LCT: variants seen among roughly 807,000 people sequenced by gnomAD.
LCT encodes the protein lactase.
LCT carries 90 observed loss-of-function variants against 173.0 expected under a neutral mutation model. The ratio of observed to expected loss-of-function variants is 0.52; its 90% CI spans 0.44 to 0.62. LCT has a LOEUF of 0.62. Among genes scored for constraint, LCT ranks in the 20% least tolerant of loss-of-function variants. The probability of loss-of-function intolerance (pLI) is 0.00; values close to 1 mark genes in which losing one functional copy is unlikely to be tolerated. For synonymous variants in LCT, 853 were observed against 957.6 expected, an observed-to-expected ratio of 0.89 and a Z score of 2.02; for missense variants, 1,864 against 2,431.4, an observed-to-expected ratio of 0.77 and a Z score of 4.91.
intron 9 of LCT, 142 bp downstream of exon 9, chr2:135,806,986 G>T: frequency 1.1e-6 from 1 of 931,962 alleles, no homozygotes; most frequent in Non-Finnish European, 1.7e-6. Context: ...GTCTGGAAGA[G>T]GACCTCCCAG....
chr2:135,822,068 C>G lies in LCT; in HGVS notation c.938G>C (p.Gly313Ala). ...AINKDQVLTI[G>A]FDINEFLSCS... ...ACTCAGAAACTCATTAATATCAAAC[C>G]CAATGGTGAGCACTTGGTCTTTATT... The change falls in exon 5 of 17, where the codon GGG (glycine) becomes GCG (alanine). Residue 313 changes from glycine (G) to alanine (A), a missense_variant. Gly to Ala is a moderately conservative substitution (Grantham distance 60). Around this residue, in one of 4 missense-constraint regions of LCT, gnomAD observed 412 missense variants for 462.0 expected, o/e 0.89. Coordinates refer to ENST00000264162, the MANE Select transcript of LCT (RefSeq NM_002299.4). 1 of 1,608,420 alleles carries G rather than the reference C, an allele frequency of 6.2e-7. No individual in the cohort carries two copies. The highest frequency in any genetic ancestry group is 1.3e-5 in the African/African-American group (1 of 74,866).
chr2:135,831,400 C>G (rs2077937179), intron 2 of LCT, among the ~76,000 whole-genome samples: 1 of 152,024 alleles, frequency 6.6e-6, no homozygotes. Context: ...GAGAGAGAGG[C>G]CCACACGTTC....
chr2:135,789,589 C>G lies in LCT; in HGVS notation c.5545G>C (p.Ala1849Pro). ...ATCTCACCTGGCTGGTGGAGACAAGCGTGAGGCCCTGTAGCGGGGTCAGGG... is the reference window on the plus strand; with the variant it reads ...ATCTCACCTGGCTGGTGGAGACAAGGGTGAGGCCCTGTAGCGGGGTCAGGG... ...GFPDPATGPH[A>P]CLHQPDAGPT... is the part of the protein sequence containing the mutation. Residue 1849 changes from alanine to proline, a missense_variant, in exon 16 of 17, where the codon GCT (alanine) becomes CCT (proline). This residue lies in a region of LCT where 514 missense variants were observed against 750.1 expected (regional missense o/e 0.69). Transcript: ENST00000264162. 6.8e-6 allele frequency: 11 copies of G among 1,613,668 alleles called. No homozygotes were observed. Among genetic ancestry groups the G allele is most frequent in the Non-Finnish European group, 9.3e-6 (11 of 1,179,814 alleles).
In LCT at chr2:135,835,976, G is replaced by GTA. The variant is rs745860913; in HGVS notation, c.640+552_640+553dup. ...AGGGGTATTTCAAAAATACATGTGT[G>GTA]TATATATATATATATATATATATAT... On this transcript the variant is annotated intron_variant, in intron 1 of 16. Transcript: ENST00000264162. Among the ~76,000 whole-genome samples the GTA allele has an allele frequency of 6.0e-3, 478 of 80,088 alleles. 6 individuals carry two copies. Among genetic ancestry groups the GTA allele is most frequent in the African/African-American group, 0.012 (178 of 14,916 alleles). 52.5% of individuals were successfully genotyped at this position (80,088 alleles called of 152,430 possible). A position where few individuals can be genotyped will look rare whatever the true frequency, so the allele number is the denominator to read the frequency against.
intron 3 of LCT, among the ~76,000 whole-genome samples, chr2:135,825,891 C>A (rs2077885439): frequency 6.6e-6 from 1 of 152,288 alleles, no homozygotes; most frequent in Non-Finnish European, 1.5e-5. Flanking sequence ...AGGGAGGGGA[C>A]ACTGGGAAGG....
chr2:135,836,477 A>T (rs1183084663), intron 1 of LCT, 53 bp downstream of exon 1: 1 of 1,517,754 alleles, frequency 6.6e-7, no homozygotes, highest in Non-Finnish European at 9.2e-7. Flanking sequence ...AGGATGGGGA[A>T]GGTGTGTGAT....
chr2:135,799,310 C>T (rs1355161096), intron 12 of LCT, among the ~76,000 whole-genome samples: 1 of 152,012 alleles, frequency 6.6e-6, no homozygotes, highest in African/African-American at 2.4e-5. Context: ...CAGAGAGAAA[C>T]CCTTGCCTTT....
chr2:135,800,895 C>G (rs2077621149), intron 11 of LCT, 86 bp from the exon 12 acceptor site: 1 of 1,076,886 alleles, frequency 9.3e-7, no homozygotes, highest in Admixed American at 1.9e-5. Context: ...GATGTCCCCT[C>G]TGTGTTTGGG....
intron 1 of LCT, among the ~76,000 whole-genome samples, chr2:135,835,813 C>T (rs1310786291): frequency 6.7e-6 from 1 of 149,842 alleles, no homozygotes; most frequent in African/African-American, 2.5e-5. Flanking sequence ...TAAGCTCCAA[C>T]TAAGACATGT....
chr2:135,826,467 G>A (rs1051200367), intron 3 of LCT, among the ~76,000 whole-genome samples: 4 of 151,894 alleles, frequency 2.6e-5, no homozygotes, highest in Admixed American at 2.0e-4. Flanking sequence ...TTGGGAGGCT[G>A]AGGCAGGAGA....
At chr2:135,818,181 G>T in intron 5 of LCT, 120 bp from the exon 6 acceptor site, 1 of 1,216,104 alleles carries the variant, frequency 8.2e-7, no homozygotes, top group Non-Finnish European at 1.2e-6. Flanking sequence ...TGAGTCAAAA[G>T]TCATATCTGC....
intron 11 of LCT, among the ~76,000 whole-genome samples, 153 bp downstream of exon 11, chr2:135,803,777 C>A (rs760629647): frequency 2.0e-5 from 3 of 152,226 alleles, no homozygotes; most frequent in Non-Finnish European, 4.4e-5. Context: ...CAATGCAATG[C>A]CAGGAGGGAA....
chr2:135,794,319 C>A, intron 14 of LCT: 1 of 246,650 alleles, frequency 4.1e-6, no homozygotes, highest in South Asian at 8.1e-5. Context: ...CTTGAAAATC[C>A]TTTTTAACAA....
chr2:135,804,688 T>G lies in LCT; in HGVS notation c.4464+79A>C, dbSNP rs903165567. On this transcript the variant is annotated intron_variant, in intron 10 of 16. Coordinates refer to ENST00000264162, the MANE Select transcript of LCT (RefSeq NM_002299.4). ...CTAAATTTGAAACCAGCATTTTGTT[T>G]ACATGATAAATGTGCTCCCCCAGCC... 3.8e-6 allele frequency: 5 copies of G among 1,322,928 alleles called. No homozygotes were observed. In the South Asian group the frequency reaches 6.0e-5, roughly 16 times the overall value. 81.9% of individuals were successfully genotyped at this position (1,322,928 alleles called of 1,614,324 possible).
chr2:135,804,117 G>A lies in LCT; in HGVS notation c.4476C>T (p.Tyr1492=), dbSNP rs778995127. ...AASIQPQVTI[Y]HWDLPQTLQD... The stretch of plus-strand genomic sequence containing the variant: ...GGAGCGTCTGTGGTAGGTCCCAGTG[G>A]TAAATGGTCACCTGGGAAGAAGCCA... Residue 1492 remains tyrosine (Y), a synonymous_variant, in exon 11 of 17, where the codon TAC becomes TAT. Transcript: ENST00000264162. 4 of 1,613,620 alleles carry A rather than the reference G, an allele frequency of 2.5e-6. No homozygotes were observed. The African/African-American group carries it at 5.3e-5, about 22-fold the overall frequency.
At chr2:135,795,452 G>T (rs1963885) in intron 13 of LCT, among the ~76,000 whole-genome samples, 1 of 151,638 alleles carries the variant, frequency 6.6e-6, no homozygotes, top group East Asian at 1.9e-4. Flanking sequence ...CAAGTGATCC[G>T]CCCACCTCAG....
chr2:135,800,888 G>T, intron 11 of LCT, 79 bp from the exon 12 acceptor site: 2 of 1,132,138 alleles, frequency 1.8e-6, no homozygotes, highest in Non-Finnish European at 2.6e-6. Flanking sequence ...GCCTGCAGAT[G>T]TCCCCTCTGT....
rs558863270 is a variant in LCT, at chr2:135,837,002, T to C, written c.168A>G (p.Ala56=). 5 of 1,614,106 alleles carry C rather than the reference T, an allele frequency of 3.1e-6. No individual in the cohort carries two copies. In the Admixed American group the frequency reaches 5.0e-5, roughly 16 times the overall value. Residue 56 remains alanine (A), a synonymous_variant, in exon 1 of 17, where the codon GCA becomes GCG. Transcript: ENST00000264162. The part of the protein sequence containing the change: ...LLGDQSSNFV[A]GDKDMYVCHQ... ...GACAAACATACATGTCTTTGTCCCC[T>C]GCTACAAAGTTAGAACTCTGGTCTC...
At chr2:135,797,966 C>T in intron 13 of LCT, 63 bp downstream of exon 13, 1 of 910,926 alleles carries the variant, frequency 1.1e-6, no homozygotes, top group South Asian at 1.3e-5. Context: ...GGTAACTTGC[C>T]CGAGACATGC....
Sources: gnomAD v4.1 joint callset for allele counts (sites outside exome capture counted in the v4.1 genomes callset) on GRCh38, gnomAD v4.1.1 for gene constraint, gnomAD v4.1.1 regional missense constraint, MANE v1.5 for transcripts, NCBI Gene and HGNC (gene_info 2026-07-23, HGNC 2026-07-21) for gene names.